Variants in TNFRSF11B observed in about 807,000 individuals in gnomAD.
The protein encoded by TNFRSF11B is tumor necrosis factor receptor superfamily member 11B.
Under a neutral mutation model 43.4 loss-of-function variants are expected in TNFRSF11B, and 16 were observed. The ratio of observed to expected loss-of-function variants is 0.37; its 90% CI spans 0.25 to 0.56. The LOEUF is 0.56. Among genes scored for constraint, TNFRSF11B ranks in the 20% least tolerant of loss-of-function variants. TNFRSF11B has a pLI of 0.80. For missense variants in TNFRSF11B, 444 were observed against 490.1 expected (o/e 0.91, Z 0.89); for synonymous variants, 185 against 181.8 (o/e 1.02, Z -0.14).
At chr8:118,944,569 A>G (rs909939546) in intron 1 of TNFRSF11B, among the ~76,000 whole-genome samples, 2 of 152,122 alleles carry the variant, frequency 1.3e-5, no homozygotes. Context: ...AACATTGCTC[A>G]TGCTTTCTAT....
At chr8:118,927,326 GTGTT>G (rs1414323915) in intron 3 of TNFRSF11B, among the ~76,000 whole-genome samples, 9 of 152,104 alleles carry the variant, frequency 5.9e-5, no homozygotes, top group Admixed American at 3.9e-4. Flanking sequence ...GGAGTAATGG[GTGTT>G]TGTTTTTGGA....
intron 2 of TNFRSF11B, 81 bp from the exon 3 acceptor site, chr8:118,929,010 G>C: frequency 7.5e-7 from 1 of 1,339,752 alleles, no homozygotes; most frequent in Admixed American, 1.8e-5. Context: ...GTTTTGGAAA[G>C]ACTTTTCACT....
chr8:118,935,515 T>A (rs1812392424), intron 1 of TNFRSF11B, among the ~76,000 whole-genome samples: 1 of 152,086 alleles, frequency 6.6e-6, no homozygotes, highest in Non-Finnish European at 1.5e-5. Context: ...CAAGATGACA[T>A]GTCTGACTTT....
In TNFRSF11B at chr8:118,951,837, C is replaced by G; in HGVS notation, c.-16G>C. 1 of 1,585,126 alleles carries G rather than the reference C, an allele frequency of 6.3e-7. No individual in the cohort carries two copies. Among genetic ancestry groups the G allele is most frequent in the Non-Finnish European group, 8.6e-7 (1 of 1,165,580 alleles). On this transcript the variant is annotated 5_prime_UTR_variant, in exon 1 of 5. Transcript: ENST00000297350. ...AGTTGTTCATTGTGGTCCCCGGAAA[C>G]CTCAGGGGCTTGGAGGCGGCGGCTG...
intron 3 of TNFRSF11B, among the ~76,000 whole-genome samples, chr8:118,928,489 A>G (rs1336633157): frequency 6.6e-6 from 1 of 152,246 alleles, no homozygotes. Context: ...GCCTATGGGC[A>G]AGATTTGATT....
intron 1 of TNFRSF11B, among the ~76,000 whole-genome samples, chr8:118,938,127 A>G (rs904689986): frequency 6.6e-6 from 1 of 152,072 alleles, no homozygotes. Flanking sequence ...TATTTTGAAC[A>G]TGGAATTTTA....
In TNFRSF11B at chr8:118,924,707, G is replaced by T. The variant is rs1812225466; in HGVS notation, c.873C>A (p.Thr291=). Residue 291 remains threonine (T), a synonymous_variant, in exon 5 of 5, where the codon ACC becomes ACA. Transcript: ENST00000297350. ...VQRHIGHANL[T]FEQLRSLMES... is the part of the protein sequence containing the mutation. The stretch of plus-strand genomic sequence containing the variant: ...CCATCAAGCTACGAAGCTGCTCGAA[G>T]GTGAGGTTAGCATGTCCAATGTGCC... The T allele has an allele frequency of 6.2e-7, 1 of 1,614,066 alleles. No individual in the cohort carries two copies. Among genetic ancestry groups the T allele is most frequent in the African/African-American group, 1.3e-5 (1 of 74,918 alleles).
At chr8:118,935,055 A>G (rs548225527) in intron 1 of TNFRSF11B, among the ~76,000 whole-genome samples, 1 of 152,336 alleles carries the variant, frequency 6.6e-6, no homozygotes, top group African/African-American at 2.4e-5. Flanking sequence ...CAATTTTCAA[A>G]GACAGTGAGT....
intron 1 of TNFRSF11B, among the ~76,000 whole-genome samples, chr8:118,947,530 C>T (rs910487723): frequency 1.3e-5 from 2 of 152,058 alleles, no homozygotes; most frequent in African/African-American, 4.8e-5. Context: ...TGCTGGACAT[C>T]CTGAACAATA....
At chr8:118,950,494 T>C (rs944022996) in intron 1 of TNFRSF11B, among the ~76,000 whole-genome samples, 2 of 152,248 alleles carry the variant, frequency 1.3e-5, no homozygotes, top group Non-Finnish European at 2.9e-5. Flanking sequence ...CTGATTGTTC[T>C]GGCCATAGAC....
chr8:118,932,788 C>A, intron 2 of TNFRSF11B, 143 bp downstream of exon 2: 2 of 1,048,312 alleles, frequency 1.9e-6, no homozygotes, highest in Non-Finnish European at 2.8e-6. Flanking sequence ...GCACTCCAGA[C>A]ACATAGTACC....
chr8:118,925,539 A>C (rs144606689), intron 4 of TNFRSF11B, among the ~76,000 whole-genome samples: 532 of 152,348 alleles, frequency 3.5e-3, no homozygotes, highest in Non-Finnish European at 5.4e-3. Flanking sequence ...AAAACATAAA[A>C]GTTTACTCTT....
At chr8:118,938,754 C>T (rs976490198) in intron 1 of TNFRSF11B, among the ~76,000 whole-genome samples, 16 of 152,160 alleles carry the variant, frequency 1.1e-4, no homozygotes, top group Middle Eastern at 3.2e-3. Flanking sequence ...GAAAATTTAT[C>T]AGATCACAAC....
In TNFRSF11B at chr8:118,936,129, T is replaced by C. The variant is rs1812403067; in HGVS notation, c.31-2829A>G. On this transcript the variant is annotated intron_variant, in intron 1 of 4. Transcript: ENST00000297350. ...TATTGTTGGTTTCCCAAAACCATGCTTCAGAAATTTGTTGCTCTTTCTTAA... is the reference window on the plus strand; with the variant it reads ...TATTGTTGGTTTCCCAAAACCATGCCTCAGAAATTTGTTGCTCTTTCTTAA... Among the ~76,000 whole-genome samples the C allele has an allele frequency of 1.3e-5, 2 of 152,188 alleles. 1 individual carries two copies. Among genetic ancestry groups the C allele is most frequent in the South Asian group, 4.1e-4 (2 of 4,824 alleles).
rs1208536657 is a variant in TNFRSF11B, at chr8:118,950,026, T to C, written c.30+1766A>G. 3.3e-5 allele frequency among the ~76,000 whole-genome samples: 5 copies of C among 152,354 alleles called. No homozygotes were observed. The East Asian group carries it at 7.7e-4, about 23-fold the overall frequency. ...ACGAAGTCTTATCTTCTGATAATGCTGTATCATCTAAAATTAGTATTATCT... is the reference window on the plus strand; with the variant it reads ...ACGAAGTCTTATCTTCTGATAATGCCGTATCATCTAAAATTAGTATTATCT... On this transcript the variant is annotated intron_variant, in intron 1 of 4. Transcript: ENST00000297350.
chr8:118,934,134 G>A (rs77622530), intron 1 of TNFRSF11B, among the ~76,000 whole-genome samples: 119 of 152,226 alleles, frequency 7.8e-4, no homozygotes, highest in Non-Finnish European at 1.5e-3. Context: ...AAGACTTTTG[G>A]ATTCCAAGAA....
At chr8:118,940,327 TAAAA>T (rs761569296) in intron 1 of TNFRSF11B, among the ~76,000 whole-genome samples, 2 of 152,026 alleles carry the variant, frequency 1.3e-5, no homozygotes, top group African/African-American at 2.4e-5. Flanking sequence ...CTTAAAGTAT[TAAAA>T]AAAGAAAAGG....
chr8:118,945,377 C>T (rs1463763078), intron 1 of TNFRSF11B, among the ~76,000 whole-genome samples: 5 of 151,978 alleles, frequency 3.3e-5, no homozygotes, highest in Non-Finnish European at 7.4e-5. Flanking sequence ...GGAAGTAAGA[C>T]CCATAGAAAT....
intron 1 of TNFRSF11B, among the ~76,000 whole-genome samples, chr8:118,937,900 T>C (rs1812425672): frequency 6.6e-6 from 1 of 152,210 alleles, no homozygotes; most frequent in African/African-American, 2.4e-5. Flanking sequence ...AGGGGTTTAG[T>C]TGTATCTCAA....
Sources: gnomAD v4.1 joint callset for allele counts (sites outside exome capture counted in the v4.1 genomes callset) on GRCh38, gnomAD v4.1.1 for gene constraint, MANE v1.5 for transcripts, NCBI Gene and HGNC (gene_info 2026-07-23, HGNC 2026-07-21) for gene names.